CAMSAP3: variants seen among roughly 807,000 people sequenced by gnomAD.
CAMSAP3 encodes the protein calmodulin-regulated spectrin-associated protein 3.
In CAMSAP3, 34 loss-of-function variants were observed where a neutral mutation model predicts 112.5. That is an observed-to-expected ratio of 0.30 (90% CI 0.23 to 0.40). The LOEUF (loss-of-function observed/expected upper bound fraction) is 0.40, where lower values mean the gene tolerates loss of function less well. CAMSAP3 is among the 10% of genes least tolerant of loss of function. The pLI is 1.00. For missense variants in CAMSAP3, 1,602 were observed against 1,770.3 expected, an observed-to-expected ratio of 0.90 and a Z score of 1.71; for synonymous variants, 868 against 799.8, an observed-to-expected ratio of 1.09 and a Z score of -1.44.
intron 14 of CAMSAP3, 56 bp downstream of exon 14, chr19:7,616,678 G>T: frequency 7.9e-7 from 1 of 1,271,878 alleles, no homozygotes; most frequent in Non-Finnish European, 1.1e-6. Context: ...CCAGAGCCTG[G>T]GAGGTGTGTG....
At chr19:7,598,512 C>G (rs778454651) in intron 1 of CAMSAP3, among the ~76,000 whole-genome samples, 5 of 152,134 alleles carry the variant, frequency 3.3e-5, no homozygotes, top group African/African-American at 1.2e-4. Context: ...GTTCTGGCAA[C>G]TCCAAGGCAC....
At chr19:7,616,430 A>C in intron 13 of CAMSAP3, 93 bp from the exon 14 acceptor site, 2 of 917,810 alleles carry the variant, frequency 2.2e-6, no homozygotes, top group Non-Finnish European at 3.6e-6. Context: ...GGCAGGACTG[A>C]CTCCTCCTGT....
rs769910686 is a variant in CAMSAP3 at position 7,612,719 on chromosome 19, G to T, written c.2226G>T (p.Ala742=). The part of the protein sequence containing the change: ...EAPGSAPPPA[A]WVIPGPTTGP... The stretch of plus-strand genomic sequence containing the variant: ...CCGGATCCGCCCCACCACCTGCTGC[G>T]TGGGTCATCCCTGGCCCCACGACGG... The change falls in exon 11 of 17, where the codon GCG becomes GCT. Residue 742 remains alanine (A), a synonymous_variant. Coordinates refer to ENST00000160298, the MANE Select transcript of CAMSAP3 (RefSeq NM_020902.2). 15 of 1,529,432 alleles carry T rather than the reference G, an allele frequency of 9.8e-6. No individual in the cohort carries two copies. Among genetic ancestry groups the T allele is most frequent in the Non-Finnish European group, 1.3e-5 (15 of 1,143,146 alleles). 94.7% of individuals were successfully genotyped at this position (1,529,432 alleles called of 1,614,324 possible).
chr19:7,616,654 T>G (rs770510677), intron 14 of CAMSAP3, 32 bp downstream of exon 14: 1 of 1,528,686 alleles, frequency 6.5e-7, no homozygotes, highest in Non-Finnish European at 9.0e-7. Context: ...GGGGTTCGTA[T>G]GCCGGGTGGC....
rs1198257207 is a variant in CAMSAP3 at position 7,611,642 on chromosome 19, G to A, written c.1194-45G>A. On this transcript the variant is annotated intron_variant, in intron 10 of 16. Coordinates refer to ENST00000160298, the MANE Select transcript of CAMSAP3 (RefSeq NM_020902.2). This position sits in a 1 kb window ranked among gnomAD's most constrained non-coding sequence, Gnocchi z 6.9. ...GTGGAGCAGGCTAGGGCGGGTTGGG[G>A]CCGAGGCTGGTCCCAGGGGCTGACC... is the stretch of plus-strand genomic sequence containing the variant. The A allele has an allele frequency of 6.3e-7, 1 of 1,584,610 alleles. No homozygotes were observed. Among genetic ancestry groups the A allele is most frequent in the African/African-American group, 1.3e-5 (1 of 74,312 alleles).
rs1046165377 is a variant in CAMSAP3, at chr19:7,611,487, C to T, written c.1124-30C>T. Reference sequence around the variant, plus strand: ...GACCCCACTCAGGGTTCCCAGGGTCCCCATAGTGACCACTCATCGCCTCCC... The same window carrying T: ...GACCCCACTCAGGGTTCCCAGGGTCTCCATAGTGACCACTCATCGCCTCCC... On this transcript the variant is annotated intron_variant, in intron 9 of 16. Coordinates refer to ENST00000160298, the MANE Select transcript of CAMSAP3 (RefSeq NM_020902.2). The surrounding 1 kb of genome is among the most constrained non-coding windows in gnomAD (Gnocchi z 6.9). 2 of 1,580,866 alleles carry T rather than the reference C, an allele frequency of 1.3e-6. No individual in the cohort carries two copies. The highest frequency in any genetic ancestry group is 2.3e-5 in the East Asian group (1 of 44,222).
chr19:7,599,880 T>C (rs899167473), intron 1 of CAMSAP3, among the ~76,000 whole-genome samples: 4 of 4,862 alleles, frequency 8.2e-4, no homozygotes, highest in Non-Finnish European at 1.1e-3. Context: ...CCCATCCACC[T>C]ATCCACCCAT....
chr19:7,601,952 T>TAA (rs1736557645), intron 1 of CAMSAP3, among the ~76,000 whole-genome samples: 1 of 151,682 alleles, frequency 6.6e-6, no homozygotes, highest in Non-Finnish European at 1.5e-5. Flanking sequence ...TAGTCCCAGC[T>TAA]ACTTGGGAGG....
At position 7,616,951 on chromosome 19, in the gene CAMSAP3, T is replaced by TTTTTTTG. The variant is rs1555763701; in HGVS notation, c.3212+335_3212+336insGTTTTTT. ...TGGCCCGCCTTTTTTTTTTTTTTTT[T>TTTTTTTG]TTTTTTTGTTTTTTTGAGAGGGAGT... On this transcript the variant is annotated intron_variant, in intron 14 of 16. Coordinates refer to ENST00000160298, the MANE Select transcript of CAMSAP3 (RefSeq NM_020902.2). Among the ~76,000 whole-genome samples, 114 of 137,178 alleles carry TTTTTTTG rather than the reference T, an allele frequency of 8.3e-4. 1 individual carries two copies. Among genetic ancestry groups the TTTTTTTG allele is most frequent in the African/African-American group, 2.9e-3 (105 of 35,816 alleles). 90.0% of individuals were successfully genotyped at this position (137,178 alleles called of 152,430 possible). A position where few individuals can be genotyped will look rare whatever the true frequency, so the allele number is the denominator to read the frequency against.
intron 11 of CAMSAP3, among the ~76,000 whole-genome samples, chr19:7,613,923 G>A (rs956027048): frequency 2.0e-5 from 3 of 152,022 alleles, no homozygotes; most frequent in East Asian, 1.9e-4. Flanking sequence ...CTGAGTGGTC[G>A]GGGATTTTGA....
At chr19:7,601,012 T>C (rs1349786542) in intron 1 of CAMSAP3, among the ~76,000 whole-genome samples, 1 of 151,606 alleles carries the variant, frequency 6.6e-6, no homozygotes, top group Non-Finnish European at 1.5e-5. Context: ...ACCTGTGCTA[T>C]TCAATATGGT....
rs1332928242 is a variant in CAMSAP3 at position 7,610,397 on chromosome 19, G to A, written c.761-79G>A. The A allele has an allele frequency of 2.2e-5, 30 of 1,340,678 alleles. No individual in the cohort carries two copies. The East Asian group carries it at 6.0e-4, about 27-fold the overall frequency. 83.0% of individuals were successfully genotyped at this position (1,340,678 alleles called of 1,614,324 possible). ...TCATAGGAGGTCTTCCGTGTGTGGG[G>A]GACTGCTGGTCCCTGGCTTCCCTGG... is the stretch of plus-strand genomic sequence containing the variant. On this transcript the variant is annotated intron_variant, in intron 5 of 16. Coordinates refer to ENST00000160298, the MANE Select transcript of CAMSAP3 (RefSeq NM_020902.2). This position sits in a 1 kb window ranked among gnomAD's most constrained non-coding sequence, Gnocchi z 4.9.
Position 7,615,916 on chromosome 19 carries a change from G to A in CAMSAP3, c.3112+197G>A, listed in dbSNP as rs1348617084. 1.3e-5 allele frequency among the ~76,000 whole-genome samples: 2 copies of A among 152,074 alleles called. No homozygotes were observed. The highest frequency in any genetic ancestry group is 6.5e-5 in the Admixed American group (1 of 15,270). ...TAAAGACTTCCATAGGGGGCCGGGC[G>A]CGGTGGCTCACGCCTGTAATCCCAG... On this transcript the variant is annotated intron_variant, in intron 13 of 16. Transcript: ENST00000160298. This position sits in a 1 kb window ranked among gnomAD's most constrained non-coding sequence, Gnocchi z 6.5.
rs749574234 is a variant in CAMSAP3 at position 7,617,859 on chromosome 19, G to A, written c.3552G>A (p.Arg1184=). The A allele has an allele frequency of 4.4e-5, 71 of 1,613,714 alleles. No individual in the cohort carries two copies. Among genetic ancestry groups the A allele is most frequent in the Middle Eastern group, 1.6e-4 (1 of 6,062 alleles). The part of the protein sequence containing the change: ...TLSGETEELS[R]LAGYGPRTVT... ...CGGGGGAGACAGAGGAGCTGTCGCGGCTGGCAGGGTATGGGCCCCGGACCG... is the reference window on the plus strand; with the variant it reads ...CGGGGGAGACAGAGGAGCTGTCGCGACTGGCAGGGTATGGGCCCCGGACCG... Residue 1184 remains arginine (R), a synonymous_variant, in exon 17 of 17, where the codon CGG becomes CGA. Coordinates refer to ENST00000160298, the MANE Select transcript of CAMSAP3 (RefSeq NM_020902.2). The surrounding 1 kb of genome is among the most constrained non-coding windows in gnomAD (Gnocchi z 7.5).
chr19:7,609,647 A>C (rs141682380), intron 5 of CAMSAP3, among the ~76,000 whole-genome samples: 10 of 152,282 alleles, frequency 6.6e-5, no homozygotes, highest in African/African-American at 1.9e-4. Context: ...TGTACTTTAT[A>C]TCTAATACGT....
chr19:7,609,903 T>C (rs1400052577), intron 5 of CAMSAP3, among the ~76,000 whole-genome samples: 1 of 152,056 alleles, frequency 6.6e-6, no homozygotes, highest in Non-Finnish European at 1.5e-5. Flanking sequence ...GTTCGGGTGG[T>C]CCTGCAAGTG....
In CAMSAP3 at chr19:7,615,584, G is replaced by T; in HGVS notation, c.2977G>T (p.Asp993Tyr). The change falls in exon 13 of 17, where the codon GAC (aspartate) becomes TAC (tyrosine). Residue 993 changes from aspartate (D) to tyrosine (Y), a missense_variant. By Grantham distance (160) the Asp-to-Tyr change is radical (BLOSUM62 -3). Coordinates refer to ENST00000160298, the MANE Select transcript of CAMSAP3 (RefSeq NM_020902.2). This position sits in a 1 kb window ranked among gnomAD's most constrained non-coding sequence, Gnocchi z 6.5. ...CCGGGCCCAGCTGAAGCTGATGGAC[G>T]ACCTCGATAAGGTGCTGCGGCCCCG... Reference protein sequence around the residue: ...ERRAQLKLMDDLDKVLRPRAA... With the variant: ...ERRAQLKLMDYLDKVLRPRAA... 6.6e-7 allele frequency: 1 copy of T among 1,503,922 alleles called. No individual in the cohort carries two copies. Among genetic ancestry groups the T allele is most frequent in the Non-Finnish European group, 8.9e-7 (1 of 1,126,644 alleles). 93.2% of individuals were successfully genotyped at this position (1,503,922 alleles called of 1,614,324 possible).
chr19:7,604,979 G>A (rs1002359726), intron 1 of CAMSAP3, among the ~76,000 whole-genome samples: 1 of 151,980 alleles, frequency 6.6e-6, no homozygotes, highest in Non-Finnish European at 1.5e-5. Context: ...GAGGCACCGT[G>A]TTCTCTCCCA....
chr19:7,617,595 C>A lies in CAMSAP3; in HGVS notation c.3378C>A (p.His1126Gln). 6.2e-7 allele frequency: 1 copy of A among 1,614,210 alleles called. No individual in the cohort carries two copies. The highest frequency in any genetic ancestry group is 8.5e-7 in the Non-Finnish European group (1 of 1,180,046). ...CCAAGTCCAACAAGTTCATCATCCACAATGCCCTATCACACTGCTGCCTGG... is the reference window on the plus strand; with the variant it reads ...CCAAGTCCAACAAGTTCATCATCCAAAATGCCCTATCACACTGCTGCCTGG... The part of the protein sequence containing the change: ...PSAKSNKFII[H>Q]NALSHCCLAG... The change falls in exon 16 of 17, where the codon CAC (histidine) becomes CAA (glutamine). Residue 1126 changes from histidine to glutamine, a missense_variant. By Grantham distance (24) the His-to-Gln change is conservative (BLOSUM62 0). Coordinates refer to ENST00000160298, the MANE Select transcript of CAMSAP3 (RefSeq NM_020902.2). The surrounding 1 kb of genome is among the most constrained non-coding windows in gnomAD (Gnocchi z 7.5).
Sources: gnomAD v4.1 joint callset for allele counts (sites outside exome capture counted in the v4.1 genomes callset) on GRCh38, gnomAD v4.1.1 for gene constraint, Gnocchi (gnomAD v3.1) non-coding constraint, MANE v1.5 for transcripts, NCBI Gene and HGNC (gene_info 2026-07-23, HGNC 2026-07-21) for gene names.